Variants in IAH1 observed in about 807,000 individuals in gnomAD.
IAH1 encodes the protein isoamyl acetate-hydrolyzing esterase 1 homolog.
A neutral mutation model predicts 26.7 loss-of-function variants in IAH1; 24 were observed. That is an observed-to-expected ratio of 0.90 (90% confidence interval 0.65 to 1.26). The LOEUF (loss-of-function observed/expected upper bound fraction) is 1.26, where lower values mean the gene tolerates loss of function less well. Ranked by LOEUF, IAH1 falls within the 50% of genes most tolerant of loss-of-function variation. The pLI, the probability that IAH1 is intolerant of heterozygous loss-of-function variation, is 0.00. For synonymous variants in IAH1, 140 were observed against 118.5 expected (o/e 1.18, Z -1.18); for missense variants, 300 against 299.9 (o/e 1.00, Z 0.00).
intron 2 of IAH1, among the ~76,000 whole-genome samples, chr2:9,476,751 T>C (rs1304874833): frequency 2.0e-5 from 3 of 152,226 alleles, no homozygotes; most frequent in African/African-American, 4.8e-5. Context: ...GATTGATTAG[T>C]TAGGGTGGGG....
downstream of IAH1, among the ~76,000 whole-genome samples, chr2:9,499,632 G>C (rs1013447150): frequency 6.6e-6 from 1 of 152,118 alleles, no homozygotes; most frequent in Non-Finnish European, 1.5e-5. Context: ...TCGATCTCCT[G>C]ATCTCGTGAT....
intron 3 of IAH1, 114 bp from the exon 4 acceptor site, chr2:9,481,172 A>T: frequency 8.7e-7 from 1 of 1,144,476 alleles, no homozygotes; most frequent in Non-Finnish European, 1.3e-6. Context: ...CCTTGGTGTT[A>T]AACAATCCCC....
At chr2:9,504,430 C>T in the IAH1 span, among the ~76,000 whole-genome samples, 3 of 151,068 alleles carry the variant, frequency 2.0e-5, no homozygotes, top group African/African-American at 7.3e-5. Flanking sequence ...GGCAACAGAG[C>T]GAGACGCCGT....
At chr2:9,497,018 T>G, downstream of IAH1, 3 of 1,541,372 alleles carry the variant, frequency 1.9e-6, no homozygotes, top group Non-Finnish European at 2.6e-6. Context: ...ATCTCACCAC[T>G]GCTGTCATTC....
chr2:9,485,961 G>A (rs1572851232), intron 5 of IAH1: 3 of 152,154 alleles, frequency 2.0e-5, no homozygotes, highest in East Asian at 1.9e-4. Flanking sequence ...TTGGACAAAC[G>A]GGAAGACTCA....
the IAH1 span, chr2:9,505,614 A>G: frequency 6.2e-6 from 3 of 487,738 alleles, no homozygotes; most frequent in African/African-American, 1.9e-5. Context: ...TACGAAGGTA[A>G]GCAAGCTATA....
At chr2:9,501,598 G>A in the IAH1 span, among the ~76,000 whole-genome samples, 2 of 152,172 alleles carry the variant, frequency 1.3e-5, no homozygotes, top group Non-Finnish European at 2.9e-5. Context: ...CCCCAACAGT[G>A]AAATACATAT....
At chr2:9,492,003 T>C (rs997559094), downstream of IAH1, among the ~76,000 whole-genome samples, 1 of 152,346 alleles carries the variant, frequency 6.6e-6, no homozygotes, top group East Asian at 1.9e-4. Context: ...TCAGCACAAG[T>C]GCTCCCTAGA....
the IAH1 span, among the ~76,000 whole-genome samples, chr2:9,510,641 G>A: frequency 1.3e-5 from 2 of 151,012 alleles, no homozygotes; most frequent in Non-Finnish European, 2.9e-5. Flanking sequence ...TCCAGCCTGG[G>A]AGACAGGGCG....
chr2:9,474,538 G>GGCCCCGCCCCGCCCC (rs561437641), upstream of IAH1: 55 of 1,293,676 alleles, frequency 4.3e-5, no homozygotes, highest in African/African-American at 4.5e-4. The surrounding 1 kb of genome is among the most constrained non-coding windows in gnomAD (Gnocchi z 4.3). Context: ...CGTGGCTGGC[G>GGCCCCGCCCCGCCCC]GCCCCGCCCC....
chr2:9,491,773 C>T (rs953165979), downstream of IAH1, among the ~76,000 whole-genome samples: 3 of 152,238 alleles, frequency 2.0e-5, no homozygotes, highest in African/African-American at 4.8e-5. Flanking sequence ...ACTAGGCTTC[C>T]TGTCTGGGTG....
Position 9,475,122 on chromosome 2 carries a change from G to C in IAH1, c.81+475G>C, listed in dbSNP as rs993242012. 2.4e-6 allele frequency: 3 copies of C among 1,275,016 alleles called. No homozygotes were observed. In the African/African-American group the frequency reaches 4.6e-5, roughly 19 times the overall value. 79.0% of individuals were successfully genotyped at this position (1,275,016 alleles called of 1,614,324 possible). A position where few individuals can be genotyped will look rare whatever the true frequency, so the allele number is the denominator to read the frequency against. ...GGTGGGGCCGTTAGGGGTTGACCTT[G>C]GAAGTAAAACGCCTTCAGGAATTAG... On this transcript the variant is annotated intron_variant, in intron 1 of 5. Coordinates refer to ENST00000497473, the MANE Select transcript of IAH1 (RefSeq NM_001039613.3).
chr2:9,480,824 C>T (rs1661126368), intron 3 of IAH1: 1 of 154,454 alleles, frequency 6.5e-6, no homozygotes, highest in Admixed American at 6.4e-5. Flanking sequence ...AGGCACACTG[C>T]TCTCAGTGCT....
intron 4 of IAH1, 25 bp from the exon 5 acceptor site, chr2:9,484,407 C>T (rs765176295): frequency 5.1e-6 from 8 of 1,565,006 alleles, no homozygotes; most frequent in Non-Finnish European, 7.0e-6. Flanking sequence ...TACCAACTGC[C>T]ACCTCTATTT....
At chr2:9,497,073 A>G, downstream of IAH1, 1 of 1,602,782 alleles carries the variant, frequency 6.2e-7, no homozygotes. Context: ...GACAAAGGCC[A>G]TGTTTTCTCC....
At chr2:9,485,816 T>G (rs1314233139) in intron 5 of IAH1, 1 of 152,290 alleles carries the variant, frequency 6.6e-6, no homozygotes, top group Admixed American at 6.5e-5. Flanking sequence ...GCTACTCTTT[T>G]GTAAAGAGCT....
chr2:9,512,256 CTTA>C, the IAH1 span: 1 of 95,844 alleles, frequency 1.0e-5, no homozygotes, highest in Admixed American at 8.5e-5. Context: ...GCTAATGACT[CTTA>C]AAAAAAAATC....
upstream of IAH1, chr2:9,474,483 G>A (rs896223000): frequency 2.6e-6 from 2 of 767,774 alleles, no homozygotes; most frequent in Non-Finnish European, 3.7e-6. The surrounding 1 kb of genome is among the most constrained non-coding windows in gnomAD (Gnocchi z 4.3). Flanking sequence ...GTGCCCACGA[G>A]CCCGGCTCCC....
the IAH1 span, among the ~76,000 whole-genome samples, chr2:9,502,514 C>G: frequency 6.6e-6 from 1 of 152,262 alleles, no homozygotes; most frequent in East Asian, 1.9e-4. Context: ...AATGGGAACA[C>G]AGCAATCACC....
Sources: gnomAD v4.1 joint callset for allele counts (sites outside exome capture counted in the v4.1 genomes callset) on GRCh38, gnomAD v4.1.1 for gene constraint, Gnocchi (gnomAD v3.1) non-coding constraint, MANE v1.5 for transcripts, NCBI Gene and HGNC (gene_info 2026-07-23, HGNC 2026-07-21) for gene names.